Variants in SLC1A1 observed in about 807,000 individuals in gnomAD.
The protein encoded by SLC1A1 is excitatory amino acid transporter 3.
Under a neutral mutation model 53.3 loss-of-function variants are expected in SLC1A1, and 43 were observed. That is an observed-to-expected ratio of 0.81 (90% CI 0.63 to 1.04). The LOEUF is 1.04. Among genes scored for constraint, SLC1A1 ranks in the 50% least tolerant of loss-of-function variants. SLC1A1 has a pLI of 0.00. For synonymous variants in SLC1A1, 307 were observed against 243.2 expected (o/e 1.26, Z -2.44); for missense variants, 748 against 664.9 (o/e 1.12, Z -1.37).
intron 1 of SLC1A1, among the ~76,000 whole-genome samples, chr9:4,541,754 A>T (rs573106939): frequency 1.3e-5 from 2 of 152,324 alleles, no homozygotes; most frequent in African/African-American, 4.8e-5. Flanking sequence ...TTATTTTCAC[A>T]ATCTTTACCT....
At chr9:4,581,829 A>C (rs1821126833) in intron 10 of SLC1A1, among the ~76,000 whole-genome samples, 1 of 152,202 alleles carries the variant, frequency 6.6e-6, no homozygotes, top group African/African-American at 2.4e-5. Context: ...ACTTGTCAAA[A>C]AACTCTGGCC....
At chr9:4,491,429 C>T (rs1820233959) in intron 1 of SLC1A1, among the ~76,000 whole-genome samples, 1 of 152,216 alleles carries the variant, frequency 6.6e-6, no homozygotes, top group South Asian at 2.1e-4. Context: ...GGGAAGAGAG[C>T]TAAGAGAACT....
At chr9:4,522,140 C>T in intron 1 of SLC1A1, among the ~76,000 whole-genome samples, 1 of 147,910 alleles carries the variant, frequency 6.8e-6, no homozygotes, top group Non-Finnish European at 1.5e-5. Context: ...CAAGCTCTGC[C>T]TCCTGGGTTC....
Position 4,536,294 on chromosome 9 carries a change from A to G in SLC1A1, c.92-8273A>G, listed in dbSNP as rs140448948. On this transcript the variant is annotated intron_variant, in intron 1 of 11. Coordinates refer to ENST00000262352, the MANE Select transcript of SLC1A1 (RefSeq NM_004170.6). The stretch of plus-strand genomic sequence containing the variant: ...GGGAGAAAACTTTTGCAATCTACTC[A>G]TCTCACAAAGGGCTAATACCCAGAA... Among the ~76,000 whole-genome samples the G allele has an allele frequency of 3.0e-3, 463 of 152,278 alleles. 4 individuals are homozygous for G. The highest frequency in any genetic ancestry group is 1.0e-2 in the African/African-American group (414 of 41,560).
intron 6 of SLC1A1, among the ~76,000 whole-genome samples, 164 bp downstream of exon 6, chr9:4,567,931 A>G (rs192751844): frequency 5.0e-4 from 76 of 152,278 alleles, no homozygotes; most frequent in African/African-American, 1.7e-3. Flanking sequence ...AGGGGCTTTC[A>G]TGGTCATCAT....
intron 7 of SLC1A1, 54 bp downstream of exon 7, chr9:4,572,442 C>G: frequency 6.8e-7 from 1 of 1,468,612 alleles, no homozygotes; most frequent in South Asian, 1.1e-5. Context: ...TCTGTCTCCT[C>G]AAAATTAGAA....
At chr9:4,577,435 T>G (rs960448936) in intron 10 of SLC1A1, among the ~76,000 whole-genome samples, 11 of 152,190 alleles carry the variant, frequency 7.2e-5, no homozygotes, top group Non-Finnish European at 1.5e-4. Context: ...TGTGGAAAGC[T>G]CTTAGATGCT....
At chr9:4,575,297 A>G (rs1428173776) in intron 8 of SLC1A1, among the ~76,000 whole-genome samples, 1 of 152,188 alleles carries the variant, frequency 6.6e-6, no homozygotes, top group African/African-American at 2.4e-5. Context: ...AATGAGTCTC[A>G]TTTCTTAAGC....
At chr9:4,584,715 A>AAG (rs1056318182) in intron 11 of SLC1A1, among the ~76,000 whole-genome samples, 1 of 152,124 alleles carries the variant, frequency 6.6e-6, no homozygotes, top group Non-Finnish European at 1.5e-5. Context: ...TCTGGAAATT[A>AAG]AGACTGGATG....
intron 2 of SLC1A1, 94 bp from the exon 3 acceptor site, chr9:4,561,355 T>G: frequency 1.2e-6 from 1 of 819,036 alleles, no homozygotes; most frequent in Non-Finnish European, 2.2e-6. Context: ...AGAACGCCTC[T>G]CAGCTCTTTA....
chr9:4,535,043 T>C (rs937027648), intron 1 of SLC1A1, among the ~76,000 whole-genome samples: 2 of 152,178 alleles, frequency 1.3e-5, no homozygotes, highest in African/African-American at 2.4e-5. Context: ...AATTAGGTAT[T>C]GATGGGACGT....
intron 1 of SLC1A1, among the ~76,000 whole-genome samples, chr9:4,503,095 C>G (rs569748286): frequency 2.0e-5 from 3 of 151,890 alleles, no homozygotes; most frequent in Non-Finnish European, 2.9e-5. Context: ...TGGAGATAAT[C>G]TCCCTTCTCT....
At chr9:4,581,500 T>G (rs140575906) in intron 10 of SLC1A1, among the ~76,000 whole-genome samples, 6 of 152,360 alleles carry the variant, frequency 3.9e-5, no homozygotes, top group African/African-American at 1.4e-4. Flanking sequence ...AAATGAATTT[T>G]GAGTTTCAAG....
intron 10 of SLC1A1, among the ~76,000 whole-genome samples, chr9:4,582,395 A>G (rs1348694059): frequency 6.6e-6 from 1 of 152,164 alleles, no homozygotes; most frequent in Non-Finnish European, 1.5e-5. Flanking sequence ...CTATTTCTCA[A>G]TTCAGTGCCC....
intron 1 of SLC1A1, among the ~76,000 whole-genome samples, chr9:4,493,318 G>A (rs1483166931): frequency 1.3e-5 from 2 of 152,182 alleles, no homozygotes; most frequent in East Asian, 1.9e-4. Context: ...TACTGGGCCT[G>A]AGTGGAAACT....
intron 7 of SLC1A1, 75 bp from the exon 8 acceptor site, chr9:4,573,832 T>G (rs1415058243): frequency 1.0e-6 from 1 of 987,872 alleles, no homozygotes. Context: ...CACACTGGAG[T>G]GTTCCTTCCC....
rs564767943 is a variant in SLC1A1, at chr9:4,549,394, A to G, written c.232+4687A>G. On this transcript the variant is annotated intron_variant, in intron 2 of 11. Transcript: ENST00000262352. This position sits in a 1 kb window ranked among gnomAD's most constrained non-coding sequence, Gnocchi z 4.1. Reference sequence around the variant, plus strand: ...CTTAATTCTCCAAAGTGCAGCTGAGACCACACTTCTACTCAGGACATAATC... The same window carrying G: ...CTTAATTCTCCAAAGTGCAGCTGAGGCCACACTTCTACTCAGGACATAATC... Among the ~76,000 whole-genome samples, 3 of 152,292 alleles carry G rather than the reference A, an allele frequency of 2.0e-5. No homozygotes were observed. The East Asian group carries it at 5.8e-4, about 29-fold the overall frequency.
intron 1 of SLC1A1, among the ~76,000 whole-genome samples, chr9:4,495,581 G>A: frequency 6.6e-6 from 1 of 152,120 alleles, no homozygotes; most frequent in Admixed American, 6.6e-5. Context: ...CAAGACGGAG[G>A]AGAGGTGAAG....
chr9:4,505,209 G>C (rs1005045716), intron 1 of SLC1A1, among the ~76,000 whole-genome samples: 1 of 151,884 alleles, frequency 6.6e-6, no homozygotes, highest in Non-Finnish European at 1.5e-5. Flanking sequence ...ACCATGCCTA[G>C]CTAATTTTTT....
Sources: gnomAD v4.1 joint callset for allele counts (sites outside exome capture counted in the v4.1 genomes callset) on GRCh38, gnomAD v4.1.1 for gene constraint, Gnocchi (gnomAD v3.1) non-coding constraint, MANE v1.5 for transcripts, NCBI Gene and HGNC (gene_info 2026-07-23, HGNC 2026-07-21) for gene names.